Variants in NVL observed in about 807,000 individuals in gnomAD.
NVL encodes nuclear VCP like.
NVL carries 84 observed loss-of-function variants against 110.2 expected under a neutral mutation model. The ratio of observed to expected loss-of-function variants is 0.76; its 90% CI spans 0.64 to 0.91. NVL has a LOEUF of 0.91. Among genes scored for constraint, NVL ranks in the 40% least tolerant of loss-of-function variants. The pLI is 0.00. For synonymous variants in NVL, 354 were observed against 361.1 expected (o/e 0.98, Z 0.22); for missense variants, 882 against 1,035.9 (o/e 0.85, Z 2.04).
chr1:224,304,296 A>G (rs1668703504), intron 8 of NVL, among the ~76,000 whole-genome samples: 1 of 152,006 alleles, frequency 6.6e-6, no homozygotes. Context: ...GTGGTGGCAC[A>G]TGCCTGTAAA....
chr1:224,251,271 C>CAAAAAAA (rs35538758), intron 18 of NVL, among the ~76,000 whole-genome samples: 2 of 62,186 alleles, frequency 3.2e-5, no homozygotes, highest in East Asian at 5.9e-4. Flanking sequence ...GATACTGTCT[C>CAAAAAAA]AAAAAAAAAA....
chr1:224,260,547 C>T (rs568545250), intron 18 of NVL, among the ~76,000 whole-genome samples: 25 of 152,300 alleles, frequency 1.6e-4, no homozygotes, highest in Middle Eastern at 3.4e-3. Flanking sequence ...TGAGCCAACA[C>T]ACCCAGCCTT....
At chr1:224,298,094 T>G (rs1668047936) in intron 10 of NVL, among the ~76,000 whole-genome samples, 1 of 150,448 alleles carries the variant, frequency 6.6e-6, no homozygotes, top group African/African-American at 2.5e-5. Context: ...ATCCCAGCTA[T>G]TTGGGAGGCT....
At chr1:224,318,098 G>A (rs1670269991) in intron 2 of NVL, among the ~76,000 whole-genome samples, 168 bp from the exon 3 acceptor site, 1 of 115,780 alleles carries the variant, frequency 8.6e-6, no homozygotes, top group African/African-American at 3.4e-5. Context: ...TTACTATTGT[G>A]ACCTTTCTCC....
chr1:224,236,269 G>C (rs1266923118), intron 20 of NVL, among the ~76,000 whole-genome samples: 5 of 152,144 alleles, frequency 3.3e-5, no homozygotes, highest in Admixed American at 6.5e-5. Context: ...GTTAGGGTAG[G>C]TTAAGTACCA....
chr1:224,229,324 T>A (rs1484811394), intron 22 of NVL, among the ~76,000 whole-genome samples: 4 of 151,688 alleles, frequency 2.6e-5, no homozygotes, highest in African/African-American at 4.8e-5. Flanking sequence ...AATAAATAAA[T>A]AAAAAGAGTT....
chr1:224,250,803 C>T (rs1662387197), intron 18 of NVL, among the ~76,000 whole-genome samples: 1 of 152,060 alleles, frequency 6.6e-6, no homozygotes, highest in Admixed American at 6.6e-5. Flanking sequence ...TGAGTGAGCA[C>T]ATAAGATGTT....
chr1:224,234,657 A>G (rs1262154765), intron 20 of NVL, among the ~76,000 whole-genome samples: 1 of 152,126 alleles, frequency 6.6e-6, no homozygotes, highest in African/African-American at 2.4e-5. Context: ...TAGGGTTATA[A>G]CATTATTTAA....
At chr1:224,236,446 T>C (rs531430517) in intron 20 of NVL, 60 bp downstream of exon 20, 451 of 1,320,408 alleles carry the variant, frequency 3.4e-4, no homozygotes, top group Non-Finnish European at 4.7e-4. Context: ...TCACCCCTCA[T>C]TTTATAGATG....
intron 11 of NVL, among the ~76,000 whole-genome samples, chr1:224,296,089 C>T (rs1238452570): frequency 3.3e-5 from 5 of 151,728 alleles, no homozygotes; most frequent in African/African-American, 1.2e-4. Context: ...TGTGATTGTG[C>T]CACTGCATTC....
In NVL at chr1:224,308,142, G is replaced by A. The variant is rs780994203; in HGVS notation, c.464C>T (p.Ser155Phe). Reference protein sequence around the residue: ...ETTSSTPRISSKTGSIPLKTP... With the variant: ...ETTSSTPRISFKTGSIPLKTP... ...CTTCAAGGGAATGGAGCCTGTTTTGGAACTTATCCGTGGTGTTGAAGAGGT... is the reference window on the plus strand; with the variant it reads ...CTTCAAGGGAATGGAGCCTGTTTTGAAACTTATCCGTGGTGTTGAAGAGGT... Residue 155 changes from serine to phenylalanine, a missense_variant, in exon 6 of 23, where the codon TCC becomes TTC. By Grantham distance (155) the Ser-to-Phe change is radical. Around this residue, in one of 4 missense-constraint regions of NVL, gnomAD observed 274 missense variants for 268.4 expected, o/e 1.02. Coordinates refer to ENST00000281701, the MANE Select transcript of NVL (RefSeq NM_002533.4). 6.2e-7 allele frequency: 1 copy of A among 1,614,076 alleles called. No homozygotes were observed. The highest frequency in any genetic ancestry group is 1.1e-5 in the South Asian group (1 of 91,074).
At chr1:224,281,029 C>T (rs1187951808) in intron 16 of NVL, 94 bp downstream of exon 16, 21 of 1,152,802 alleles carry the variant, frequency 1.8e-5, no homozygotes, top group Non-Finnish European at 2.6e-5. Flanking sequence ...CAAAATACCA[C>T]AATTGCTGAA....
chr1:224,235,312 T>C (rs142994481), intron 20 of NVL, among the ~76,000 whole-genome samples: 81 of 152,180 alleles, frequency 5.3e-4, no homozygotes, highest in African/African-American at 1.9e-3. Context: ...CGATTACAGG[T>C]GTGCACTACC....
intron 8 of NVL, among the ~76,000 whole-genome samples, chr1:224,304,069 C>T (rs1324514669): frequency 2.0e-5 from 3 of 152,122 alleles, no homozygotes; most frequent in African/African-American, 4.8e-5. Flanking sequence ...ACATTATATA[C>T]CTTGAGGATG....
chr1:224,287,921 A>C lies in NVL; in HGVS notation c.1648T>G (p.Cys550Gly), dbSNP rs1667016002. ...ACAATGAAATCATTCAGTTCAATGC[A>C]CAGTCCTTGCATCTGCTCCTCTGAG... ...PLSEEQMQGLCIELNDFIVAL... is the reference protein window; with the variant it reads ...PLSEEQMQGLGIELNDFIVAL... The change falls in exon 14 of 23, where the codon TGC becomes GGC. Residue 550 changes from cysteine (C) to glycine (G), a missense_variant. Cys to Gly is a radical substitution (Grantham distance 159). This residue lies in a region of NVL where 416 missense variants were observed against 499.3 expected (regional missense o/e 0.83). Coordinates refer to ENST00000281701, the MANE Select transcript of NVL (RefSeq NM_002533.4). 6.2e-7 allele frequency: 1 copy of C among 1,614,122 alleles called. No individual in the cohort carries two copies. The highest frequency in any genetic ancestry group is 1.3e-5 in the African/African-American group (1 of 75,058).
Position 224,289,467 on chromosome 1 carries a change from G to T in NVL, c.1575+17C>A. 6.2e-7 allele frequency: 1 copy of T among 1,612,934 alleles called. No individual in the cohort carries two copies. The highest frequency in any genetic ancestry group is 8.5e-7 in the Non-Finnish European group (1 of 1,179,610). Reference sequence around the variant, plus strand: ...GAACATTAAAAGGACAATTTAAGGTGCCTTTAGAGAAAGCACCTGTGTTTC... The same window carrying T: ...GAACATTAAAAGGACAATTTAAGGTTCCTTTAGAGAAAGCACCTGTGTTTC... On this transcript the variant is annotated intron_variant, in intron 13 of 22. Transcript: ENST00000281701.
chr1:224,289,935 C>A (rs902820427), intron 12 of NVL, among the ~76,000 whole-genome samples: 1 of 152,184 alleles, frequency 6.6e-6, no homozygotes, highest in Non-Finnish European at 1.5e-5. Flanking sequence ...TGGTAAATAT[C>A]TGCTTTGTTA....
intron 19 of NVL, among the ~76,000 whole-genome samples, chr1:224,237,748 A>G (rs1660655165): frequency 7.2e-5 from 1 of 13,794 alleles, no homozygotes; most frequent in South Asian, 3.8e-3. Context: ...TTTTTTTGAG[A>G]CAGTCTCGCT....
chr1:224,324,476 T>C (rs1208240828), intron 2 of NVL, among the ~76,000 whole-genome samples: 1 of 152,216 alleles, frequency 6.6e-6, no homozygotes, highest in Non-Finnish European at 1.5e-5. Context: ...GTTACCCAGC[T>C]GGAGTGCACT....
Sources: gnomAD v4.1 joint callset for allele counts (sites outside exome capture counted in the v4.1 genomes callset) on GRCh38, gnomAD v4.1.1 for gene constraint, gnomAD v4.1.1 regional missense constraint, MANE v1.5 for transcripts, NCBI Gene and HGNC (gene_info 2026-07-23, HGNC 2026-07-21) for gene names.